The following OPCML variants were observed in gnomAD, a reference collection of about 807,000 sequenced individuals.
OPCML encodes the protein opioid binding protein/cell adhesion molecule like.
Under a neutral mutation model 37.8 loss-of-function variants are expected in OPCML, and 13 were observed. The ratio of observed to expected loss-of-function variants is 0.34; its 90% CI spans 0.22 to 0.55. The LOEUF is 0.55. OPCML is among the 20% of genes least tolerant of loss of function. The probability of loss-of-function intolerance (pLI) is 0.91; values close to 1 mark genes in which losing one functional copy is unlikely to be tolerated. For missense variants in OPCML, 341 were observed against 435.6 expected, an observed-to-expected ratio of 0.78 and a Z score of 1.93; for synonymous variants, 176 against 168.8, an observed-to-expected ratio of 1.04 and a Z score of -0.33.
chr11:133,197,461 G>C (rs1938580966), intron 1 of OPCML, among the ~76,000 whole-genome samples: 1 of 152,196 alleles, frequency 6.6e-6, no homozygotes, highest in African/African-American at 2.4e-5. Context: ...CGTGACAATA[G>C]GAGAGCTGCC....
intron 7 of OPCML, among the ~76,000 whole-genome samples, chr11:132,429,026 TGGATGGAG>T (rs2095987292): frequency 1.4e-5 from 2 of 140,108 alleles, no homozygotes; most frequent in South Asian, 5.5e-4. Context: ...ACTAGATGAA[TGGATGGAG>T]GGATGGATGG....
intron 1 of OPCML, among the ~76,000 whole-genome samples, chr11:132,974,309 C>T (rs192225144): frequency 3.3e-5 from 5 of 152,298 alleles, no homozygotes; most frequent in East Asian, 3.9e-4. Flanking sequence ...CCAAAATGTT[C>T]GCTTCCATTT....
intron 1 of OPCML, among the ~76,000 whole-genome samples, chr11:133,092,191 C>G (rs576211633): frequency 5.9e-5 from 9 of 152,192 alleles, no homozygotes; most frequent in Non-Finnish European, 1.5e-5. Context: ...AGAGAACAGC[C>G]TTCCCCAGAC....
At chr11:133,514,190 TGA>T (rs1948215600) in intron 1 of OPCML, among the ~76,000 whole-genome samples, 1 of 152,212 alleles carries the variant, frequency 6.6e-6, no homozygotes, top group Non-Finnish European at 1.5e-5. Flanking sequence ...GTAGGGATCA[TGA>T]GAGGCTTTGA....
At chr11:132,619,036 G>C (rs907441602) in intron 3 of OPCML, among the ~76,000 whole-genome samples, 2 of 151,632 alleles carry the variant, frequency 1.3e-5, no homozygotes, top group Non-Finnish European at 2.9e-5. Context: ...CTATGGTTTC[G>C]AGGGAAAGCA....
chr11:132,603,992 C>A (rs1938103077), intron 3 of OPCML, among the ~76,000 whole-genome samples: 1 of 152,098 alleles, frequency 6.6e-6, no homozygotes, highest in Non-Finnish European at 1.5e-5. Context: ...GGATGTAATC[C>A]ACAAGAAAGC....
chr11:132,746,805 T>C (rs1334843247), intron 2 of OPCML, among the ~76,000 whole-genome samples: 6 of 152,148 alleles, frequency 3.9e-5, no homozygotes, highest in African/African-American at 9.7e-5. Context: ...CTCTGAGAAC[T>C]GAAGAGAAAA....
intron 1 of OPCML, among the ~76,000 whole-genome samples, chr11:133,394,307 A>G (rs1445894307): frequency 6.6e-6 from 1 of 152,166 alleles, no homozygotes. Flanking sequence ...GTATATATGT[A>G]TGGGTTACAT....
intron 2 of OPCML, among the ~76,000 whole-genome samples, chr11:132,903,732 A>C (rs1294839134): frequency 6.6e-6 from 1 of 152,210 alleles, no homozygotes; most frequent in Non-Finnish European, 1.5e-5. Flanking sequence ...AAGTTAAAAT[A>C]GTGGAACCCT....
rs114618118 is a variant in OPCML, at chr11:133,419,702, G to A, written c.61+112562C>T. Among the ~76,000 whole-genome samples, 981 of 152,232 alleles carry A rather than the reference G, an allele frequency of 6.4e-3. 9 individuals are homozygous for A. Among genetic ancestry groups the A allele is most frequent in the African/African-American group, 0.022 (921 of 41,532 alleles). On this transcript the variant is annotated intron_variant, in intron 1 of 7. Coordinates refer to ENST00000524381, the MANE Select transcript of OPCML (RefSeq NM_001012393.5). ...CAGCAAATGCTGCAAATCAAGGCTT[G>A]ACTGTTTTTTTTATTGTCTAGGCTT...
intron 1 of OPCML, among the ~76,000 whole-genome samples, chr11:133,131,289 A>T (rs1427381267): frequency 2.0e-5 from 3 of 152,164 alleles, no homozygotes; most frequent in African/African-American, 7.2e-5. Flanking sequence ...AGCAGCCAAA[A>T]TGATGTAAGT....
chr11:133,498,370 G>A (rs749267950), intron 1 of OPCML, among the ~76,000 whole-genome samples: 1 of 152,180 alleles, frequency 6.6e-6, no homozygotes, highest in Non-Finnish European at 1.5e-5. Context: ...CAGAGACAGA[G>A]GGAGACAGAA....
intron 1 of OPCML, among the ~76,000 whole-genome samples, chr11:133,097,876 T>C (rs543364842): frequency 1.3e-5 from 2 of 152,306 alleles, no homozygotes; most frequent in South Asian, 2.1e-4. Flanking sequence ...TAGTTAATAG[T>C]TTAATAAAGC....
chr11:133,396,134 G>A (rs1945281184), intron 1 of OPCML, among the ~76,000 whole-genome samples: 1 of 150,950 alleles, frequency 6.6e-6, no homozygotes, highest in South Asian at 2.1e-4. Flanking sequence ...AATTTTATTT[G>A]TGGCTACTAT....
At chr11:132,937,484 G>C (rs1945415555) in intron 2 of OPCML, among the ~76,000 whole-genome samples, 3 of 151,172 alleles carry the variant, frequency 2.0e-5, no homozygotes, top group Admixed American at 2.0e-4. Flanking sequence ...GGGACAGAGA[G>C]AGAGAGAGAG....
chr11:132,607,143 C>G (rs961979343), intron 3 of OPCML, among the ~76,000 whole-genome samples: 14 of 152,224 alleles, frequency 9.2e-5, no homozygotes, highest in Non-Finnish European at 2.9e-5. Flanking sequence ...AATGACAGGG[C>G]TTGGACTAAT....
At chr11:132,797,060 A>ATT (rs1379888735) in intron 2 of OPCML, among the ~76,000 whole-genome samples, 1 of 152,010 alleles carries the variant, frequency 6.6e-6, no homozygotes, top group Non-Finnish European at 1.5e-5. Flanking sequence ...TCTGGGTTTT[A>ATT]TTTTCACCTT....
chr11:133,114,311 C>T (rs929634567), intron 1 of OPCML, among the ~76,000 whole-genome samples: 1 of 152,212 alleles, frequency 6.6e-6, no homozygotes, highest in Non-Finnish European at 1.5e-5. Flanking sequence ...GTGTCATCTT[C>T]CCAGTTGTTC....
chr11:132,421,928 A>G (rs961899567), intron 7 of OPCML, among the ~76,000 whole-genome samples: 1 of 152,166 alleles, frequency 6.6e-6, no homozygotes, highest in African/African-American at 2.4e-5. Context: ...TGAGTGATTT[A>G]GGTTTTTAAA....
Sources: gnomAD v4.1 joint callset for allele counts (sites outside exome capture counted in the v4.1 genomes callset) on GRCh38, gnomAD v4.1.1 for gene constraint, MANE v1.5 for transcripts, NCBI Gene and HGNC (gene_info 2026-07-23, HGNC 2026-07-21) for gene names.